The following STARD9 variants were observed in gnomAD, a reference collection of about 807,000 sequenced individuals.
The protein encoded by STARD9 is StAR related lipid transfer domain containing 9.
A neutral mutation model predicts 399.8 loss-of-function variants in STARD9; 346 were observed. The ratio of observed to expected loss-of-function variants is 0.87; its 90% CI spans 0.79 to 0.95. STARD9 has a LOEUF of 0.95. Ranked by LOEUF, STARD9 falls within the 40% of genes least tolerant of loss-of-function variation. STARD9 has a pLI of 0.00. For synonymous variants in STARD9, 2,203 were observed against 2,143.5 expected (o/e 1.03, Z -0.77); for missense variants, 5,832 against 5,667.5 (o/e 1.03, Z -0.93).
chr15:42,596,426 A>G (rs2141721304), intron 3 of STARD9, among the ~76,000 whole-genome samples: 1 of 152,350 alleles, frequency 6.6e-6, no homozygotes, highest in Non-Finnish European at 1.5e-5. Context: ...GGTGATGATT[A>G]CTTTGAGAGT....
chr15:42,689,507 T>A lies in STARD9; in HGVS notation c.7929T>A (p.Ser2643=). Residue 2643 remains serine, a synonymous_variant, in exon 23 of 33, where the codon TCT becomes TCA. Transcript: ENST00000290607. Reference sequence around the variant, plus strand: ...GGAAAGTCCAGGCCACATCTCTGTCTGCAGACAGCTTTGAATCTCTGCCCA... The same window carrying A: ...GGAAAGTCCAGGCCACATCTCTGTCAGCAGACAGCTTTGAATCTCTGCCCA... ...DERKVQATSL[S]ADSFESLPNT... 6.5e-7 allele frequency: 1 copy of A among 1,537,302 alleles called. No individual in the cohort carries two copies. Among genetic ancestry groups the A allele is most frequent in the Non-Finnish European group, 8.7e-7 (1 of 1,146,920 alleles).
At chr15:42,704,343 C>A (rs1214171139) in intron 26 of STARD9, among the ~76,000 whole-genome samples, 1 of 152,204 alleles carries the variant, frequency 6.6e-6, no homozygotes, top group Non-Finnish European at 1.5e-5. Flanking sequence ...ACTTCTCAAT[C>A]TCTTCAGGAT....
At chr15:42,577,569 C>T (rs1158580368) in intron 1 of STARD9, among the ~76,000 whole-genome samples, 2 of 152,204 alleles carry the variant, frequency 1.3e-5, no homozygotes, top group Non-Finnish European at 2.9e-5. Context: ...AAAATGAAAG[C>T]ACAATTTATT....
rs939627326 is a variant in STARD9, at chr15:42,685,903, G to A, written c.4325G>A (p.Gly1442Asp). Residue 1442 changes from glycine (G) to aspartate (D), a missense_variant, in exon 23 of 33, where the codon GGC (glycine) becomes GAC (aspartate). Physicochemically the swap from Gly to Asp is moderately conservative, Grantham distance 94. Around this residue, in one of 2 missense-constraint regions of STARD9, gnomAD observed 5,828 missense variants for 5,651.1 expected, o/e 1.03. Coordinates refer to ENST00000290607, the MANE Select transcript of STARD9 (RefSeq NM_020759.3). ...IQPGADGTFQ[G>D]RCIPDMTQQG... ...CCAGGAGCTGATGGCACCTTTCAGG[G>A]CAGATGTATCCCTGACATGACCCAG... 1.2e-5 allele frequency: 18 copies of A among 1,537,148 alleles called. No homozygotes were observed. The highest frequency in any genetic ancestry group is 1.6e-5 in the Non-Finnish European group (18 of 1,146,928).
chr15:42,644,320 C>T (rs935719891), intron 7 of STARD9, among the ~76,000 whole-genome samples: 4 of 151,994 alleles, frequency 2.6e-5, no homozygotes, highest in South Asian at 2.1e-4. Flanking sequence ...GGTGAAACCC[C>T]GTCTCTACTG....
chr15:42,664,832 C>A (rs1279988425), intron 13 of STARD9, among the ~76,000 whole-genome samples: 1 of 150,574 alleles, frequency 6.6e-6, no homozygotes, highest in East Asian at 1.9e-4. Context: ...ACACCCCATA[C>A]GTACACTGTT....
intron 3 of STARD9, among the ~76,000 whole-genome samples, chr15:42,604,277 T>A (rs1249814766): frequency 6.6e-6 from 1 of 152,224 alleles, no homozygotes; most frequent in African/African-American, 2.4e-5. Flanking sequence ...CTTACCTGTC[T>A]CTTAAATCAA....
chr15:42,638,134 T>C, intron 6 of STARD9, 47 bp downstream of exon 6: 1 of 1,485,610 alleles, frequency 6.7e-7, no homozygotes, highest in Non-Finnish European at 9.1e-7. Context: ...CTTCTTCTAC[T>C]CCAAATTCTA....
rs758570571 is a variant in STARD9 at position 42,588,776 on chromosome 15, GTTTTTTTTTTTTTTTTTTTTTTTTTT to G, written c.234+3153_234+3178del. On this transcript the variant is annotated intron_variant, in intron 3 of 32. Coordinates refer to ENST00000290607, the MANE Select transcript of STARD9 (RefSeq NM_020759.3). ...TAACCCAGTTTATCCTCTTCACAGCGTTTTTTTTTTTTTTTTTTTTTTTTTTTTTTTTTTTTTTTGGAGTGGGGGGT... is the reference window on the plus strand; with the variant it reads ...TAACCCAGTTTATCCTCTTCACAGCGTTTTTTTTTTTTTGGAGTGGGGGGT... Among the ~76,000 whole-genome samples, 73 of 38,414 alleles carry G rather than the reference GTTTTTTTTTTTTTTTTTTTTTTTTTT, an allele frequency of 1.9e-3. 2 individuals carry two copies. Among genetic ancestry groups the G allele is most frequent in the African/African-American group, 8.2e-3 (69 of 8,456 alleles). The allele number at this position is 38,414 out of a possible 152,430, so 25.2% of individuals were successfully genotyped here.
chr15:42,633,141 C>A (rs1445131694), intron 3 of STARD9, among the ~76,000 whole-genome samples: 12 of 148,000 alleles, frequency 8.1e-5, no homozygotes, highest in African/African-American at 2.7e-4. Flanking sequence ...GACCCTGTCT[C>A]AATTAAAAAA....
At chr15:42,633,361 G>A (rs917337943) in intron 3 of STARD9, among the ~76,000 whole-genome samples, 6 of 152,096 alleles carry the variant, frequency 3.9e-5, no homozygotes, top group Non-Finnish European at 7.3e-5. Context: ...CCTTGGAATC[G>A]TATCAGAGTT....
chr15:42,661,737 G>A (rs1351190575), intron 10 of STARD9, among the ~76,000 whole-genome samples: 2 of 151,754 alleles, frequency 1.3e-5, no homozygotes, highest in Admixed American at 6.6e-5. Flanking sequence ...GATTACAAGC[G>A]TGAGCCACTG....
At chr15:42,630,585 AT>A (rs2059313354) in intron 3 of STARD9, among the ~76,000 whole-genome samples, 1 of 151,818 alleles carries the variant, frequency 6.6e-6, no homozygotes, top group South Asian at 2.1e-4. Context: ...TTGCTGGGAG[AT>A]TTTTATTACA....
intron 16 of STARD9, among the ~76,000 whole-genome samples, chr15:42,674,142 T>C (rs971930440): frequency 2.0e-5 from 3 of 152,268 alleles, no homozygotes; most frequent in African/African-American, 7.2e-5. Context: ...AACTTTAGGC[T>C]GTGGGACAGA....
chr15:42,628,038 T>C (rs953499915), intron 3 of STARD9, among the ~76,000 whole-genome samples: 2 of 152,242 alleles, frequency 1.3e-5, no homozygotes, highest in African/African-American at 4.8e-5. Flanking sequence ...TGTACTAATT[T>C]ACATTCCCAC....
At chr15:42,613,831 G>C (rs2058903106) in intron 3 of STARD9, among the ~76,000 whole-genome samples, 1 of 152,132 alleles carries the variant, frequency 6.6e-6, no homozygotes, top group African/African-American at 2.4e-5. Flanking sequence ...CGGGTGTGGT[G>C]GCTTGCGTCA....
intron 26 of STARD9, among the ~76,000 whole-genome samples, chr15:42,711,301 C>T (rs536991419): frequency 7.2e-5 from 11 of 152,054 alleles, no homozygotes; most frequent in African/African-American, 9.6e-5. Context: ...CACCACGCCC[C>T]GCTAATTTTT....
rs1329227935 is a variant in STARD9, at chr15:42,665,234, G to A, written c.1177-19G>A. On this transcript the variant is annotated intron_variant, in intron 13 of 32. Coordinates refer to ENST00000290607, the MANE Select transcript of STARD9 (RefSeq NM_020759.3). ...GGACTTGATAACAATCAGTGGTGAT[G>A]GAGTTCTCTGTGTTTCAGGATGCAA... 1.3e-6 allele frequency: 2 copies of A among 1,529,800 alleles called. No individual in the cohort carries two copies. The highest frequency in any genetic ancestry group is 2.4e-5 in the East Asian group (1 of 40,904). 94.8% of individuals were successfully genotyped at this position (1,529,800 alleles called of 1,614,324 possible).
In STARD9 at chr15:42,682,325, G is replaced by A. The variant is rs1203332813; in HGVS notation, c.2287G>A (p.Val763Ile). The A allele has an allele frequency of 1.3e-6, 2 of 1,537,160 alleles. No homozygotes were observed. The highest frequency in any genetic ancestry group is 2.7e-5 in the African/African-American group (2 of 73,068). The change falls in exon 22 of 33, where the codon GTC becomes ATC. Residue 763 changes from valine (V) to isoleucine (I), a missense_variant. This residue lies in a region of STARD9 where 5,828 missense variants were observed against 5,651.1 expected (regional missense o/e 1.03). Transcript: ENST00000290607. ...CACTCTTCGGGCAGCAGAGCGGAAT[G>A]TCCGGCGGAAAAAGGTCTCATTCCA... ...RHTLRAAERN[V>I]RRKKVSFQLE... is the part of the protein sequence containing the mutation.
Sources: allele counts gnomAD v4.1 joint callset (sites outside exome capture counted in the v4.1 genomes callset), GRCh38; gene constraint gnomAD v4.1.1; regional missense constraint gnomAD v4.1.1; transcripts MANE v1.5; gene names NCBI Gene and HGNC (gene_info 2026-07-23, HGNC 2026-07-21).